Variants in DPP6 observed in about 807,000 individuals in gnomAD.
DPP6 encodes the protein dipeptidyl peptidase like 6, also known as A-type potassium channel modulatory protein DPP6.
In DPP6, 69 loss-of-function variants were observed where a neutral mutation model predicts 122.6. The observed-to-expected ratio is 0.56, with a 90% CI of 0.46 to 0.69. DPP6 has a LOEUF of 0.69. Among genes scored for constraint, DPP6 ranks in the 30% least tolerant of loss-of-function variants. The pLI is 0.00. For synonymous variants in DPP6, 418 were observed against 433.1 expected, an observed-to-expected ratio of 0.97 and a Z score of 0.43; for missense variants, 928 against 1,116.9, an observed-to-expected ratio of 0.83 and a Z score of 2.41.
chr7:154,172,792 G>C (rs1034009989), intron 1 of DPP6, among the ~76,000 whole-genome samples: 1 of 151,908 alleles, frequency 6.6e-6, no homozygotes, highest in East Asian at 1.9e-4. Flanking sequence ...GTAGAAAGGG[G>C]GTTTTGCCAT....
chr7:154,196,881 T>C (rs1224379619), intron 1 of DPP6, among the ~76,000 whole-genome samples: 2 of 152,114 alleles, frequency 1.3e-5, no homozygotes, highest in Admixed American at 1.3e-4. Context: ...TCTCCTTAAT[T>C]AAAATTCATC....
At chr7:154,271,260 G>C (rs926963369) in intron 1 of DPP6, among the ~76,000 whole-genome samples, 2 of 152,132 alleles carry the variant, frequency 1.3e-5, no homozygotes, top group Admixed American at 6.5e-5. Flanking sequence ...GATCCAATCA[G>C]ACAGGTACCA....
chr7:154,228,838 AT>A (rs1182935795), intron 1 of DPP6, among the ~76,000 whole-genome samples: 2 of 152,200 alleles, frequency 1.3e-5, no homozygotes, highest in African/African-American at 4.8e-5. Context: ...GGTCCCTGGA[AT>A]TTAGCCATTT....
chr7:154,157,223 G>C (rs1399976735), intron 1 of DPP6, among the ~76,000 whole-genome samples: 1 of 152,260 alleles, frequency 6.6e-6, no homozygotes, highest in Non-Finnish European at 1.5e-5. Flanking sequence ...TCAGAGCCAA[G>C]AGAAAAGAAG....
At chr7:154,485,148 G>C (rs969139217) in intron 3 of DPP6, among the ~76,000 whole-genome samples, 1 of 152,124 alleles carries the variant, frequency 6.6e-6, no homozygotes, top group African/African-American at 2.4e-5. Flanking sequence ...CCCATGGCCA[G>C]CAGGGACTTC....
At chr7:154,746,565 C>T (rs1843046734) in intron 8 of DPP6, among the ~76,000 whole-genome samples, 1 of 152,172 alleles carries the variant, frequency 6.6e-6, no homozygotes, top group South Asian at 2.1e-4. Flanking sequence ...TTATTTTGTT[C>T]ATAGAGCAAT....
At chr7:154,082,807 T>C (rs1804115309) in intron 1 of DPP6, among the ~76,000 whole-genome samples, 1 of 151,308 alleles carries the variant, frequency 6.6e-6, no homozygotes, top group Non-Finnish European at 1.5e-5. Flanking sequence ...GACAGAGCCC[T>C]GTGAAGGATG....
chr7:154,253,881 G>A (rs1802499812), intron 1 of DPP6, among the ~76,000 whole-genome samples: 1 of 152,194 alleles, frequency 6.6e-6, no homozygotes, highest in Non-Finnish European at 1.5e-5. Flanking sequence ...TATGGTGGGA[G>A]GTAAAGGGGA....
the DPP6 span, among the ~76,000 whole-genome samples, chr7:153,777,091 T>C: frequency 6.6e-6 from 1 of 152,186 alleles, no homozygotes; most frequent in Non-Finnish European, 1.5e-5. Flanking sequence ...AACAGAAACT[T>C]AACTACAGAT....
At chr7:153,977,994 A>T (rs1000117858) in intron 1 of DPP6, among the ~76,000 whole-genome samples, 33 of 152,124 alleles carry the variant, frequency 2.2e-4, no homozygotes, top group African/African-American at 8.0e-4. Context: ...TGCTATTGTG[A>T]ATAGTGCCAC....
chr7:153,829,495 T>G, the DPP6 span, among the ~76,000 whole-genome samples: 1 of 152,202 alleles, frequency 6.6e-6, no homozygotes, highest in African/African-American at 2.4e-5. Context: ...ATTACAGGCA[T>G]GAGCCACCAC....
intron 1 of DPP6, 116 bp downstream of exon 1, chr7:154,053,179 C>G (rs1296537671): frequency 2.8e-5 from 25 of 900,732 alleles, no homozygotes; most frequent in Non-Finnish European, 3.3e-5. Context: ...CTCCCCCCGC[C>G]CACGACTCTC....
intron 1 of DPP6, chr7:154,092,250 A>G (rs1248126778): frequency 6.6e-6 from 1 of 152,202 alleles, no homozygotes; most frequent in Admixed American, 6.5e-5. Flanking sequence ...GTATTTACCA[A>G]TAAAAAGAGC....
At chr7:154,353,661 G>A (rs1052675827) in intron 1 of DPP6, among the ~76,000 whole-genome samples, 1 of 152,060 alleles carries the variant, frequency 6.6e-6, no homozygotes, top group Non-Finnish European at 1.5e-5. Context: ...TTGAACTCCA[G>A]CCAAATAAGA....
intron 1 of DPP6, among the ~76,000 whole-genome samples, chr7:153,930,465 A>G (rs957792682): frequency 2.0e-5 from 3 of 152,236 alleles, no homozygotes; most frequent in East Asian, 1.9e-4. Context: ...GTATTGTATT[A>G]TATTTTTCAA....
chr7:154,013,315 A>G (rs543424954), intron 1 of DPP6, among the ~76,000 whole-genome samples: 1 of 152,330 alleles, frequency 6.6e-6, no homozygotes, highest in East Asian at 1.9e-4. Flanking sequence ...CTCCTACTTC[A>G]TTTTAATCAT....
chr7:154,521,939 A>C (rs2129977744), intron 3 of DPP6, among the ~76,000 whole-genome samples: 1 of 152,108 alleles, frequency 6.6e-6, no homozygotes, highest in East Asian at 1.9e-4. Flanking sequence ...TGAAAGGGGG[A>C]AGAAAAATAT....
rs1301149239 is a variant in DPP6 at position 154,481,180 on chromosome 7, C to CT, written c.457+6146dup. Among the ~76,000 whole-genome samples the CT allele has an allele frequency of 2.0e-5, 3 of 152,140 alleles. No individual in the cohort carries two copies. Among genetic ancestry groups the CT allele is most frequent in the Non-Finnish European group, 4.4e-5 (3 of 68,036 alleles). On this transcript the variant is annotated intron_variant, in intron 3 of 25. Coordinates refer to ENST00000377770, the MANE Select transcript of DPP6 (RefSeq NM_130797.4). This position sits in a 1 kb window ranked among gnomAD's most constrained non-coding sequence, Gnocchi z 4.2. ...TGGGGTGGAATTTTAATGTTTCTAA[C>CT]TTTAAAAGTCTGAATTCCTCAAGTT...
chr7:154,479,588 A>AAG (rs1184008809), intron 3 of DPP6, among the ~76,000 whole-genome samples: 4 of 151,480 alleles, frequency 2.6e-5, no homozygotes, highest in African/African-American at 9.7e-5. Flanking sequence ...AAGAAAAGAA[A>AAG]AAGAAAAGGC....
Sources: gnomAD v4.1 joint callset for allele counts (sites outside exome capture counted in the v4.1 genomes callset) on GRCh38, gnomAD v4.1.1 for gene constraint, Gnocchi (gnomAD v3.1) non-coding constraint, MANE v1.5 for transcripts, NCBI Gene and HGNC (gene_info 2026-07-23, HGNC 2026-07-21) for gene names.